The following GDAP1L1 variants were observed in gnomAD, a reference collection of about 807,000 sequenced individuals.
The protein encoded by GDAP1L1 is ganglioside-induced differentiation-associated protein 1-like 1.
Under a neutral mutation model 37.1 loss-of-function variants are expected in GDAP1L1, and 21 were observed. The observed-to-expected ratio is 0.57, with a 90% confidence interval of 0.40 to 0.81. The LOEUF is 0.81. Ranked by LOEUF, GDAP1L1 falls within the 40% of genes least tolerant of loss-of-function variation. The probability of loss-of-function intolerance (pLI) is 0.00; values close to 1 mark genes in which losing one functional copy is unlikely to be tolerated. For synonymous variants in GDAP1L1, 193 were observed against 209.1 expected, an observed-to-expected ratio of 0.92 and a Z score of 0.67; for missense variants, 362 against 491.6, an observed-to-expected ratio of 0.74 and a Z score of 2.49.
intron 3 of GDAP1L1, among the ~76,000 whole-genome samples, chr20:44,259,065 C>A (rs2073622749): frequency 6.6e-6 from 1 of 152,010 alleles, no homozygotes; most frequent in South Asian, 2.1e-4. Context: ...GCTTCGTGGC[C>A]AAGGGCTCTG....
chr20:44,248,881 T>C (rs1163256684), intron 1 of GDAP1L1, among the ~76,000 whole-genome samples: 7 of 152,198 alleles, frequency 4.6e-5, no homozygotes, highest in African/African-American at 1.7e-4. Context: ...TCCCTTTGCC[T>C]GTCCAAAGCC....
chr20:44,269,354 G>A (rs1451473495), intron 5 of GDAP1L1, among the ~76,000 whole-genome samples: 2 of 152,102 alleles, frequency 1.3e-5, no homozygotes, highest in African/African-American at 2.4e-5. Flanking sequence ...ATTGCAAAGT[G>A]GCATGTGTAC....
At chr20:44,251,500 C>A (rs1029214338) in intron 1 of GDAP1L1, among the ~76,000 whole-genome samples, 1 of 152,232 alleles carries the variant, frequency 6.6e-6, no homozygotes, top group Non-Finnish European at 1.5e-5. Context: ...AGGATGAGTT[C>A]TCTTTCCCAC....
At position 44,270,231 on chromosome 20, in the gene GDAP1L1, C is replaced by T. The variant is rs544835952; in HGVS notation, c.760+5672C>T. ...TGTCGCCCAGGCTGGAGTGCAGTGG[C>T]GGGATCTCGGCTCACTGCAAGCTCC... On this transcript the variant is annotated intron_variant, in intron 5 of 5. Coordinates refer to ENST00000342560, the MANE Select transcript of GDAP1L1 (RefSeq NM_024034.6). Among the ~76,000 whole-genome samples, 421 of 127,746 alleles carry T rather than the reference C, an allele frequency of 3.3e-3. 4 individuals are homozygous for T. Among genetic ancestry groups the T allele is most frequent in the African/African-American group, 0.011 (375 of 33,020 alleles). 83.8% of individuals were successfully genotyped at this position (127,746 alleles called of 152,430 possible). A position where few individuals can be genotyped will look rare whatever the true frequency, so the allele number is the denominator to read the frequency against.
intron 3 of GDAP1L1, among the ~76,000 whole-genome samples, chr20:44,262,424 G>C (rs920233459): frequency 4.6e-5 from 7 of 152,096 alleles, no homozygotes; most frequent in African/African-American, 1.7e-4. Context: ...GCTTTGTGTT[G>C]GGGAGGGGAT....
Position 44,279,294 on chromosome 20 carries a change from C to G in GDAP1L1, c.1098C>G (p.Tyr366Ter). The G allele has an allele frequency of 6.2e-7, 1 of 1,600,904 alleles. No individual in the cohort carries two copies. Among genetic ancestry groups the G allele is most frequent in the South Asian group, 1.1e-5 (1 of 90,108 alleles). ...YFAYWYLKKK[Y>*]I is the part of the protein sequence containing the mutation. ...CCTACTGGTACCTCAAGAAAAAATA[C>G]ATCTAGGGCCAGGCCTGGGGCTTGG... is the stretch of plus-strand genomic sequence containing the variant. The change falls in exon 6 of 6, where the codon TAC becomes TAG. Residue 366 changes from tyrosine (Y) to a stop codon, truncating the protein, a stop_gained. Transcript: ENST00000342560. LOFTEE classifies it high-confidence loss of function.
intron 1 of GDAP1L1, among the ~76,000 whole-genome samples, chr20:44,249,558 G>C (rs1260826549): frequency 6.6e-6 from 1 of 152,190 alleles, no homozygotes; most frequent in Non-Finnish European, 1.5e-5. Context: ...GACCAGACAG[G>C]GGGCAGGGAG....
Position 44,264,426 on chromosome 20 carries a change from G to A in GDAP1L1, c.646-19G>A. 1 of 1,460,190 alleles carries A rather than the reference G, an allele frequency of 6.8e-7. No homozygotes were observed. Among genetic ancestry groups the A allele is most frequent in the Non-Finnish European group, 9.0e-7 (1 of 1,106,398 alleles). 90.5% of individuals were successfully genotyped at this position (1,460,190 alleles called of 1,614,324 possible). ...TATTGAGGCCAACTCAGCTTCTCTT[G>A]GCCCTGTCCTGCCCCCAGGCCAAGA... On this transcript the variant is annotated intron_variant, in intron 4 of 5. Coordinates refer to ENST00000342560, the MANE Select transcript of GDAP1L1 (RefSeq NM_024034.6).
chr20:44,254,230 A>G (rs6017302), intron 1 of GDAP1L1, among the ~76,000 whole-genome samples: 21,206 of 152,006 alleles, frequency 0.14, 2,158 homozygotes, highest in East Asian at 0.36. Flanking sequence ...ACTCACATGT[A>G]CACACATGTG....
upstream of GDAP1L1, chr20:44,247,103 G>C: frequency 1.7e-6 from 1 of 577,226 alleles, no homozygotes; most frequent in Non-Finnish European, 3.1e-6. Flanking sequence ...ACCCTTGCAG[G>C]GAGCCTGACA....
chr20:44,264,377 T>C (rs2073727473), intron 4 of GDAP1L1, 68 bp from the exon 5 acceptor site: 5 of 1,392,580 alleles, frequency 3.6e-6, no homozygotes, highest in Middle Eastern at 2.2e-4. Flanking sequence ...GCAAAGCTCC[T>C]TCCATCCCTG....
At chr20:44,249,555 CA>C (rs1006818460) in intron 1 of GDAP1L1, among the ~76,000 whole-genome samples, 12 of 152,186 alleles carry the variant, frequency 7.9e-5, no homozygotes, top group African/African-American at 2.7e-4. Flanking sequence ...TGGGACCAGA[CA>C]GGGGGCAGGG....
chr20:44,272,748 A>G (rs757149900), intron 5 of GDAP1L1, among the ~76,000 whole-genome samples: 1 of 152,228 alleles, frequency 6.6e-6, no homozygotes, highest in Admixed American at 6.5e-5. Flanking sequence ...GCATTTGCCT[A>G]CAAACATAAA....
chr20:44,270,916 G>C (rs1398706510), intron 5 of GDAP1L1, among the ~76,000 whole-genome samples: 1 of 152,190 alleles, frequency 6.6e-6, no homozygotes, highest in Non-Finnish European at 1.5e-5. Context: ...AGGAGAATTG[G>C]GCTCCGCTGA....
Position 44,280,021 on chromosome 20 carries a change from T to G in GDAP1L1, c.*721T>G. 2.9e-6 allele frequency: 1 copy of G among 339,104 alleles called. No homozygotes were observed. Among genetic ancestry groups the G allele is most frequent in the Non-Finnish European group, 5.8e-6 (1 of 172,558 alleles). 21.0% of individuals were successfully genotyped at this position (339,104 alleles called of 1,614,324 possible). On this transcript the variant is annotated 3_prime_UTR_variant, in exon 6 of 6. Transcript: ENST00000342560. ...CATCATCCTCTTCCTACCTTGAGTT[T>G]TTCTACCCTGTGAGGTGGGACTTTC...
chr20:44,254,036 C>G (rs1193332416), intron 1 of GDAP1L1, among the ~76,000 whole-genome samples: 1 of 152,214 alleles, frequency 6.6e-6, no homozygotes, highest in Non-Finnish European at 1.5e-5. Context: ...GAGGTCCCAG[C>G]TTGGCCTGGA....
intron 1 of GDAP1L1, among the ~76,000 whole-genome samples, chr20:44,256,683 T>A (rs2073553656): frequency 6.6e-6 from 1 of 151,612 alleles, no homozygotes. Flanking sequence ...AAAAAAAAAG[T>A]TTCTGTGAAT....
At chr20:44,249,962 T>C (rs2073408134) in intron 1 of GDAP1L1, among the ~76,000 whole-genome samples, 1 of 152,222 alleles carries the variant, frequency 6.6e-6, no homozygotes, top group East Asian at 1.9e-4. Flanking sequence ...CCCTGCAGAA[T>C]TCCTTTAGAA....
rs755088201 is a variant in GDAP1L1 at position 44,264,468 on chromosome 20, T to C, written c.669T>C (p.Asp223=). Residue 223 remains aspartate (D), a synonymous_variant, in exon 5 of 6, where the codon GAT becomes GAC. Coordinates refer to ENST00000342560, the MANE Select transcript of GDAP1L1 (RefSeq NM_024034.6). ...AGGCCAAGATCTTGGAGCATGATGATGTGAGCTACCTGAAGAAGATCCTCG... is the reference window on the plus strand; with the variant it reads ...AGGCCAAGATCTTGGAGCATGATGACGTGAGCTACCTGAAGAAGATCCTCG... ...KLMAKILEHD[D]VSYLKKILGE... The C allele has an allele frequency of 2.6e-6, 4 of 1,519,266 alleles. No individual in the cohort carries two copies. The East Asian group carries it at 9.3e-5, about 35-fold the overall frequency. The allele number at this position is 1,519,266 out of a possible 1,614,324, so 94.1% of individuals were successfully genotyped here. A position where few individuals can be genotyped will look rare whatever the true frequency, so the allele number is the denominator to read the frequency against.
Sources: allele counts gnomAD v4.1 joint callset (sites outside exome capture counted in the v4.1 genomes callset), GRCh38; gene constraint gnomAD v4.1.1; transcripts MANE v1.5; gene names NCBI Gene and HGNC (gene_info 2026-07-23, HGNC 2026-07-21).